Variants in SPAG16 observed in about 807,000 individuals in gnomAD.
SPAG16 encodes the protein sperm-associated antigen 16 protein.
Under a neutral mutation model 80.4 loss-of-function variants are expected in SPAG16, and 86 were observed. The observed-to-expected ratio is 1.07, with a 90% CI of 0.90 to 1.28. SPAG16 has a LOEUF of 1.28. SPAG16 is among the 50% of genes most tolerant of loss of function. SPAG16 has a pLI of 0.00. For missense variants in SPAG16, 870 were observed against 765.3 expected, an observed-to-expected ratio of 1.14 and a Z score of -1.61; for synonymous variants, 294 against 265.9, an observed-to-expected ratio of 1.11 and a Z score of -1.03.
chr2:214,376,116 G>T lies in SPAG16; in HGVS notation c.1721-34024G>T, dbSNP rs142647906. On this transcript the variant is annotated intron_variant, in intron 15 of 15. Coordinates refer to ENST00000331683, the MANE Select transcript of SPAG16 (RefSeq NM_024532.5). ...AAGTTTTTAGATAAAAAAGAAGAAG[G>T]AATAAAAAATAATAAAAGGAAAATA... Among the ~76,000 whole-genome samples, 228 of 151,372 alleles carry T rather than the reference G, an allele frequency of 1.5e-3. 1 individual carries two copies. The highest frequency in any genetic ancestry group is 0.014 in the South Asian group (65 of 4,746).
chr2:213,897,662 C>T (rs2077049757), intron 11 of SPAG16, among the ~76,000 whole-genome samples: 1 of 152,046 alleles, frequency 6.6e-6, no homozygotes, highest in Non-Finnish European at 1.5e-5. Context: ...GGGTAGCATC[C>T]CCAGTCACTG....
intron 10 of SPAG16, among the ~76,000 whole-genome samples, chr2:213,791,255 G>GA (rs1428843380): frequency 6.7e-6 from 1 of 149,560 alleles, no homozygotes; most frequent in East Asian, 2.0e-4. Context: ...ACCTTGCAGT[G>GA]AAAAAATAAA....
chr2:213,825,519 A>G (rs1277773214), intron 10 of SPAG16, among the ~76,000 whole-genome samples: 2 of 151,998 alleles, frequency 1.3e-5, no homozygotes, highest in African/African-American at 2.4e-5. Flanking sequence ...GGTAAAATGC[A>G]TTGCATCGAT....
At chr2:214,120,056 T>C (rs1405650742) in intron 14 of SPAG16, among the ~76,000 whole-genome samples, 1 of 151,978 alleles carries the variant, frequency 6.6e-6, no homozygotes, top group African/African-American at 2.4e-5. Flanking sequence ...CTTCTCAATA[T>C]GAGCACTTTT....
At chr2:214,114,122 C>T (rs1025629998) in intron 14 of SPAG16, among the ~76,000 whole-genome samples, 1 of 152,186 alleles carries the variant, frequency 6.6e-6, no homozygotes, top group African/African-American at 2.4e-5. Context: ...GAGGTCCACT[C>T]CAGACCCTGT....
At chr2:214,275,916 G>T (rs1251630263) in intron 15 of SPAG16, among the ~76,000 whole-genome samples, 1 of 152,154 alleles carries the variant, frequency 6.6e-6, no homozygotes, top group African/African-American at 2.4e-5. Flanking sequence ...CATTATTATT[G>T]TGTGGGAGTC....
Position 214,326,944 on chromosome 2 carries a change from C to CAAAAA in SPAG16, c.1721-83175_1721-83171dup, listed in dbSNP as rs5838428. Among the ~76,000 whole-genome samples the CAAAAA allele has an allele frequency of 3.3e-4, 21 of 64,470 alleles. 1 individual carries two copies. In the South Asian group the frequency reaches 4.1e-3, roughly 13 times the overall value. The allele number at this position is 64,470 out of a possible 152,430, so 42.3% of individuals were successfully genotyped here. On this transcript the variant is annotated intron_variant, in intron 15 of 15. Transcript: ENST00000331683. The stretch of plus-strand genomic sequence containing the variant: ...TGGGCGACAGAGTGAGACTAAGTCT[C>CAAAAA]AAAAAAAAAAAAAAAAAAAAAAAAA...
At chr2:213,946,295 A>G (rs1276839524) in intron 12 of SPAG16, among the ~76,000 whole-genome samples, 1 of 152,076 alleles carries the variant, frequency 6.6e-6, no homozygotes, top group Non-Finnish European at 1.5e-5. Flanking sequence ...TTCTATTTTG[A>G]ATAGAGACGG....
intron 11 of SPAG16, among the ~76,000 whole-genome samples, chr2:213,899,797 T>G (rs1341405539): frequency 6.6e-6 from 1 of 152,116 alleles, no homozygotes; most frequent in African/African-American, 2.4e-5. Context: ...ATTGAATGCT[T>G]CTTCTCAAAT....
At position 213,833,497 on chromosome 2, in the gene SPAG16, AT is replaced by A. The variant is rs1299065850; in HGVS notation, c.1071-28987del. 5.4e-4 allele frequency among the ~76,000 whole-genome samples: 2 copies of A among 3,704 alleles called. 1 individual carries two copies. Among genetic ancestry groups the A allele is most frequent in the Non-Finnish European group, 1.3e-3 (2 of 1,554 alleles). 2.4% of individuals were successfully genotyped at this position (3,704 alleles called of 152,430 possible). A position where few individuals can be genotyped will look rare whatever the true frequency, so the allele number is the denominator to read the frequency against. On this transcript the variant is annotated intron_variant, in intron 10 of 15. Coordinates refer to ENST00000331683, the MANE Select transcript of SPAG16 (RefSeq NM_024532.5). ...TAATAATATATATATTATATATAAT[AT>A]ATATATTATATATAATATATATAAT... is the stretch of plus-strand genomic sequence containing the variant.
Position 213,760,646 on chromosome 2 carries a change from T to C in SPAG16, c.1071-101839T>C, listed in dbSNP as rs79630954. On this transcript the variant is annotated intron_variant, in intron 10 of 15. Coordinates refer to ENST00000331683, the MANE Select transcript of SPAG16 (RefSeq NM_024532.5). ...TTTTCCAAAATAGACTATATGTTACTTCATAAATTAAGTCTCATTAGATTG... is the reference window on the plus strand; with the variant it reads ...TTTTCCAAAATAGACTATATGTTACCTCATAAATTAAGTCTCATTAGATTG... Among the ~76,000 whole-genome samples, 764 of 152,282 alleles carry C rather than the reference T, an allele frequency of 5.0e-3. 6 individuals carry two copies. The highest frequency in any genetic ancestry group is 0.017 in the African/African-American group (714 of 41,560).
At chr2:213,683,505 C>G (rs968498260) in intron 10 of SPAG16, among the ~76,000 whole-genome samples, 4 of 151,598 alleles carry the variant, frequency 2.6e-5, no homozygotes, top group African/African-American at 7.3e-5. Flanking sequence ...GAGCCGAGAT[C>G]GCATCACTGC....
intron 15 of SPAG16, among the ~76,000 whole-genome samples, chr2:214,350,119 T>A (rs1698301645): frequency 6.6e-6 from 1 of 152,220 alleles, no homozygotes; most frequent in Non-Finnish European, 1.5e-5. Context: ...TCTCAATAAC[T>A]TTGAATATCA....
intron 15 of SPAG16, among the ~76,000 whole-genome samples, chr2:214,354,392 G>C (rs1431017446): frequency 6.6e-6 from 1 of 152,094 alleles, no homozygotes; most frequent in Admixed American, 6.6e-5. Flanking sequence ...TGCTGTTTTG[G>C]TTACTGTAGA....
At chr2:214,253,707 A>C (rs2372252) in intron 15 of SPAG16, among the ~76,000 whole-genome samples, 99,630 of 151,838 alleles carry the variant, frequency 0.66, 32,898 homozygotes, top group South Asian at 0.71. Flanking sequence ...GTTGCTGTAC[A>C]CTCATAGTAT....
intron 10 of SPAG16, among the ~76,000 whole-genome samples, chr2:213,565,691 C>T (rs2125993098): frequency 6.6e-6 from 1 of 152,328 alleles, no homozygotes; most frequent in African/African-American, 2.4e-5. Context: ...AAGAGACAAA[C>T]TCCCTGGCTT....
At chr2:213,734,663 G>C (rs2067203706) in intron 10 of SPAG16, among the ~76,000 whole-genome samples, 1 of 152,068 alleles carries the variant, frequency 6.6e-6, no homozygotes, top group African/African-American at 2.4e-5. Flanking sequence ...AAATACACCA[G>C]AATGCTATGG....
rs151112835 is a variant in SPAG16 at position 213,477,189 on chromosome 2, T to C, written c.943-12774T>C. Among the ~76,000 whole-genome samples, 757 of 152,322 alleles carry C rather than the reference T, an allele frequency of 5.0e-3. 7 individuals are homozygous for C. Among genetic ancestry groups the C allele is most frequent in the Middle Eastern group, 0.02 (6 of 294 alleles). ...TCTGGTCCTAGACTCTATCTGGAAC[T>C]GGAAGCTCAGTTTTCAGGCTTTAGG... On this transcript the variant is annotated intron_variant, in intron 9 of 15. Transcript: ENST00000331683.
intron 3 of SPAG16, among the ~76,000 whole-genome samples, chr2:213,305,891 AT>A (rs1410683641): frequency 6.6e-6 from 1 of 152,106 alleles, no homozygotes; most frequent in East Asian, 1.9e-4. Context: ...TTTTCTTGTG[AT>A]TTTTAGAAAA....
Sources: allele counts gnomAD v4.1 joint callset (sites outside exome capture counted in the v4.1 genomes callset), GRCh38; gene constraint gnomAD v4.1.1; transcripts MANE v1.5; gene names NCBI Gene and HGNC (gene_info 2026-07-23, HGNC 2026-07-21).